The following ZDHHC13 variants were observed in gnomAD, a reference collection of about 807,000 sequenced individuals.
ZDHHC13 encodes the protein zDHHC palmitoyltransferase 13.
ZDHHC13 carries 85 observed loss-of-function variants against 86.0 expected under a neutral mutation model. That is an observed-to-expected ratio of 0.99 (90% CI 0.83 to 1.18). The LOEUF (loss-of-function observed/expected upper bound fraction) is 1.18, where lower values mean the gene tolerates loss of function less well. Ranked by LOEUF, ZDHHC13 falls within the 50% of genes most tolerant of loss-of-function variation. The pLI is 0.00. For missense variants in ZDHHC13, 711 were observed against 730.2 expected (o/e 0.97, Z 0.30); for synonymous variants, 263 against 246.4 (o/e 1.07, Z -0.63).
At chr11:19,125,032 C>T (rs887488389) in intron 1 of ZDHHC13, among the ~76,000 whole-genome samples, 2 of 152,124 alleles carry the variant, frequency 1.3e-5, no homozygotes, top group African/African-American at 4.8e-5. Flanking sequence ...TGAGGGAGAA[C>T]TCTCTGAACA....
At chr11:19,153,965 A>G (rs1849687483) in intron 8 of ZDHHC13, among the ~76,000 whole-genome samples, 1 of 151,644 alleles carries the variant, frequency 6.6e-6, no homozygotes, top group Non-Finnish European at 1.5e-5. Context: ...CCACTCTACC[A>G]CTGCCATGTT....
chr11:19,169,893 T>TA, intron 14 of ZDHHC13: 1 of 985,810 alleles, frequency 1.0e-6, no homozygotes, highest in Non-Finnish European at 1.2e-6. Context: ...CAGATTTAGT[T>TA]ATGGTGTCAG....
chr11:19,119,438 C>T (rs111576543), intron 1 of ZDHHC13, among the ~76,000 whole-genome samples: 27 of 152,348 alleles, frequency 1.8e-4, no homozygotes, highest in African/African-American at 6.3e-4. Context: ...CTTGCCCGGT[C>T]ATCCCCAGCC....
rs781136747 is a variant in ZDHHC13, at chr11:19,147,623, A to T, written c.324A>T (p.Val108=). 3 of 1,602,060 alleles carry T rather than the reference A, an allele frequency of 1.9e-6. No individual in the cohort carries two copies. The East Asian group carries it at 6.7e-5, about 36-fold the overall frequency. Residue 108 remains valine (V), a synonymous_variant, in exon 4 of 17, where the codon GTA becomes GTT. Transcript: ENST00000446113. ...TTTATATTTCAAAAGGTGCTGTTGT[A>T]GATCAGTTGGGTGGAGATTTAAATT... ...VKFYISKGAV[V]DQLGGDLNST...
intron 12 of ZDHHC13, chr11:19,164,837 G>C: frequency 1.8e-6 from 1 of 545,858 alleles, no homozygotes; most frequent in Non-Finnish European, 3.3e-6. Flanking sequence ...GTGTGAACAG[G>C]CTCTGGAATT....
At chr11:19,124,398 G>A (rs1848826288) in intron 1 of ZDHHC13, among the ~76,000 whole-genome samples, 1 of 152,010 alleles carries the variant, frequency 6.6e-6, no homozygotes, top group Non-Finnish European at 1.5e-5. Flanking sequence ...GTTATCTCTG[G>A]TGGTACAGTA....
chr11:19,162,243 A>G (rs777771318), intron 10 of ZDHHC13, among the ~76,000 whole-genome samples: 14 of 152,160 alleles, frequency 9.2e-5, no homozygotes, highest in Non-Finnish European at 1.6e-4. Context: ...AAAGGATCTA[A>G]TGAATGAAAA....
intron 1 of ZDHHC13, chr11:19,118,807 G>A (rs1031305025): frequency 7.2e-5 from 11 of 152,196 alleles, no homozygotes; most frequent in Non-Finnish European, 1.5e-4. Context: ...ATAATCCTCT[G>A]AGGTGGGGAG....
At chr11:19,145,144 T>C (rs1448071908) in intron 2 of ZDHHC13, among the ~76,000 whole-genome samples, 4 of 152,108 alleles carry the variant, frequency 2.6e-5, no homozygotes, top group Non-Finnish European at 5.9e-5. Flanking sequence ...ATGATTTGCC[T>C]CTTTATTCTC....
rs111547880 is a variant in ZDHHC13, at chr11:19,133,940, T to C, written c.28-9038T>C. Among the ~76,000 whole-genome samples the C allele has an allele frequency of 9.1e-3, 671 of 73,894 alleles. 39 individuals carry two copies. Among genetic ancestry groups the C allele is most frequent in the Non-Finnish European group, 0.021 (536 of 25,088 alleles). 48.5% of individuals were successfully genotyped at this position (73,894 alleles called of 152,430 possible). On this transcript the variant is annotated intron_variant, in intron 1 of 16. Transcript: ENST00000446113. ...AAGTCCATATATATATATATATATA[T>C]ATACACGTATGTGTTTTATATACTT... is the stretch of plus-strand genomic sequence containing the variant.
At chr11:19,149,156 T>C in intron 4 of ZDHHC13, 31 bp from the exon 5 acceptor site, 1 of 1,488,346 alleles carries the variant, frequency 6.7e-7, no homozygotes. Context: ...TTCTGCATGC[T>C]ACAGAATGGC....
chr11:19,136,811 G>A (rs964582308), intron 1 of ZDHHC13, among the ~76,000 whole-genome samples: 2 of 151,708 alleles, frequency 1.3e-5, no homozygotes, highest in African/African-American at 4.9e-5. Flanking sequence ...TTCATATCCA[G>A]CCAAACTAAG....
At chr11:19,143,609 A>T (rs1034368811) in intron 2 of ZDHHC13, among the ~76,000 whole-genome samples, 2 of 152,216 alleles carry the variant, frequency 1.3e-5, no homozygotes, top group Admixed American at 1.3e-4. Context: ...GTTGTGCTGG[A>T]CTAACTAGAA....
At chr11:19,151,601 T>C (rs1849609534) in intron 6 of ZDHHC13, among the ~76,000 whole-genome samples, 1 of 152,080 alleles carries the variant, frequency 6.6e-6, no homozygotes, top group South Asian at 2.1e-4. Context: ...AATATTGTTT[T>C]ATTAAAAGAA....
At chr11:19,153,412 CTTA>C (rs1301944091) in intron 8 of ZDHHC13, among the ~76,000 whole-genome samples, 5 of 152,138 alleles carry the variant, frequency 3.3e-5, no homozygotes, top group East Asian at 1.9e-4. Context: ...ATACCATCAT[CTTA>C]TTAATAATAA....
At chr11:19,158,688 G>T (rs987487978) in intron 9 of ZDHHC13, among the ~76,000 whole-genome samples, 2 of 152,154 alleles carry the variant, frequency 1.3e-5, no homozygotes, top group African/African-American at 2.4e-5. Context: ...TATTGTATGA[G>T]TTGGTTAGAA....
At chr11:19,123,431 A>G (rs1281883614) in intron 1 of ZDHHC13, among the ~76,000 whole-genome samples, 4 of 152,042 alleles carry the variant, frequency 2.6e-5, no homozygotes. Flanking sequence ...GTTTAAGACC[A>G]GTCTGGGCAA....
At chr11:19,141,015 T>A (rs1849303961) in intron 1 of ZDHHC13, among the ~76,000 whole-genome samples, 1 of 151,242 alleles carries the variant, frequency 6.6e-6, no homozygotes, top group African/African-American at 2.4e-5. Flanking sequence ...TGTATACATA[T>A]GTAACTAACC....
chr11:19,141,904 C>T (rs11025033), intron 1 of ZDHHC13, among the ~76,000 whole-genome samples: 15,433 of 152,164 alleles, frequency 0.1, 1,074 homozygotes, highest in Non-Finnish European at 0.14. Context: ...TCTTTTTACC[C>T]TCCCAAATTA....
Sources: gnomAD v4.1 joint callset for allele counts (sites outside exome capture counted in the v4.1 genomes callset) on GRCh38, gnomAD v4.1.1 for gene constraint, MANE v1.5 for transcripts, NCBI Gene and HGNC (gene_info 2026-07-23, HGNC 2026-07-21) for gene names.